The following RGS3 variants were observed in gnomAD, a reference collection of about 807,000 sequenced individuals.
The protein encoded by RGS3 is regulator of G-protein signalling 3.
Under a neutral mutation model 132.6 loss-of-function variants are expected in RGS3, and 80 were observed. The observed-to-expected ratio is 0.60, with a 90% CI of 0.50 to 0.73. RGS3 has a LOEUF of 0.73. Among genes scored for constraint, RGS3 ranks in the 30% least tolerant of loss-of-function variants. The pLI is 0.00. For missense variants in RGS3, 1,382 were observed against 1,530.8 expected (o/e 0.90, Z 1.62); for synonymous variants, 598 against 620.6 (o/e 0.96, Z 0.54).
chr9:113,497,762 C>T (rs1021729253), intron 9 of RGS3, among the ~76,000 whole-genome samples: 5 of 152,222 alleles, frequency 3.3e-5, no homozygotes, highest in African/African-American at 1.2e-4. Context: ...CCTCTACAGA[C>T]AGGGCGTTTA....
chr9:113,584,699 C>T (rs1371125789), intron 20 of RGS3, among the ~76,000 whole-genome samples: 2 of 152,182 alleles, frequency 1.3e-5, no homozygotes, highest in African/African-American at 4.8e-5. Context: ...TGTAGCTTAG[C>T]CCAGGCCATT....
intron 19 of RGS3, among the ~76,000 whole-genome samples, chr9:113,558,599 C>T (rs1390697622): frequency 6.6e-6 from 1 of 152,014 alleles, no homozygotes; most frequent in African/African-American, 2.4e-5. Flanking sequence ...GGATCGAGTC[C>T]CACTGTATGT....
At chr9:113,468,708 A>C in intron 3 of RGS3, among the ~76,000 whole-genome samples, 1 of 152,172 alleles carries the variant, frequency 6.6e-6, no homozygotes, top group East Asian at 1.9e-4. Context: ...TCTGAACCAA[A>C]TTTTAACTTG....
intron 7 of RGS3, 94 bp from the exon 6 acceptor site, chr9:113,495,692 A>G: frequency 1.0e-6 from 1 of 971,408 alleles, no homozygotes; most frequent in Non-Finnish European, 1.7e-6. Context: ...TGTAAACCAC[A>G]GTGCATCAGG....
chr9:113,488,242 C>G (rs1830398196), intron 7 of RGS3, among the ~76,000 whole-genome samples: 1 of 152,142 alleles, frequency 6.6e-6, no homozygotes, highest in Non-Finnish European at 1.5e-5. Flanking sequence ...CCACCTAAGA[C>G]AGAGTTACTG....
At chr9:113,449,997 G>A (rs1196435552) in intron 1 of RGS3, among the ~76,000 whole-genome samples, 1 of 151,588 alleles carries the variant, frequency 6.6e-6, no homozygotes, top group Non-Finnish European at 1.5e-5. Context: ...TGCCCACCTC[G>A]GCCTCCCAAA....
intron 19 of RGS3, among the ~76,000 whole-genome samples, chr9:113,575,048 AGAG>A (rs1437514179): frequency 6.6e-6 from 1 of 152,126 alleles, no homozygotes; most frequent in Non-Finnish European, 1.5e-5. Flanking sequence ...AATGGAGGCG[AGAG>A]GAGAAGGGAC....
intron 19 of RGS3, among the ~76,000 whole-genome samples, chr9:113,540,303 A>G (rs1218780661): frequency 6.6e-6 from 1 of 152,000 alleles, no homozygotes; most frequent in Non-Finnish European, 1.5e-5. Flanking sequence ...AGACAATTAT[A>G]TATTCTTTTG....
chr9:113,513,596 T>A (rs1417143726), intron 14 of RGS3, among the ~76,000 whole-genome samples: 1 of 152,202 alleles, frequency 6.6e-6, no homozygotes, highest in Non-Finnish European at 1.5e-5. Context: ...CTTAGAGTAT[T>A]TCATTTAATC....
intron 14 of RGS3, among the ~76,000 whole-genome samples, chr9:113,511,193 G>C (rs1831383885): frequency 6.6e-6 from 1 of 152,254 alleles, no homozygotes; most frequent in Non-Finnish European, 1.5e-5. Flanking sequence ...CCTGGCCTCA[G>C]ATTCGCCACT....
intron 1 of RGS3, among the ~76,000 whole-genome samples, chr9:113,450,215 C>T (rs1021042864): frequency 2.0e-5 from 3 of 152,094 alleles, no homozygotes; most frequent in Non-Finnish European, 2.9e-5. Context: ...ACTACAGGCA[C>T]ATGCCACCAT....
At position 113,565,866 on chromosome 9, in the gene RGS3, G is replaced by T; in HGVS notation, c.2038-17584G>T. 1 of 180,200 alleles carries T rather than the reference G, an allele frequency of 5.5e-6. No individual in the cohort carries two copies. Among genetic ancestry groups the T allele is most frequent in the Non-Finnish European group, 1.1e-5 (1 of 87,024 alleles). The allele number at this position is 180,200 out of a possible 1,614,324, so 11.2% of individuals were successfully genotyped here. A position where few individuals can be genotyped will look rare whatever the true frequency, so the allele number is the denominator to read the frequency against. On this transcript the variant is annotated intron_variant, in intron 19 of 24. Coordinates refer to ENST00000350696, the Ensembl canonical transcript of RGS3. This position sits in a 1 kb window ranked among gnomAD's most constrained non-coding sequence, Gnocchi z 5.7. ...AACCAAACCATTTGTGCTCTGTTCT[G>T]AGATAGCTCTGTGTGTGTGTGTGTG...
chr9:113,575,309 C>T (rs542640277), intron 19 of RGS3, among the ~76,000 whole-genome samples: 220 of 152,266 alleles, frequency 1.4e-3, no homozygotes, highest in South Asian at 2.5e-3. Flanking sequence ...AGAGTCCCTG[C>T]GCGGGGGTGA....
rs573227165 is a variant in RGS3 at position 113,544,588 on chromosome 9, G to GT, written c.2037+7671dup. Among the ~76,000 whole-genome samples, 26 of 152,312 alleles carry GT rather than the reference G, an allele frequency of 1.7e-4. No homozygotes were observed. In the South Asian group the frequency reaches 5.4e-3, roughly 32 times the overall value. On this transcript the variant is annotated intron_variant, in intron 19 of 24. Coordinates refer to ENST00000350696, the Ensembl canonical transcript of RGS3. ...GTGAAAATGCAGGCAATTTTGCAAC[G>GT]TGGAAGGGCTCCCCACAGCGAAAGT...
intron 19 of RGS3, among the ~76,000 whole-genome samples, chr9:113,560,801 A>C (rs952363047): frequency 2.0e-5 from 3 of 152,296 alleles, no homozygotes; most frequent in African/African-American, 7.2e-5. Context: ...ACACTTCCAT[A>C]GAGTTTCAAA....
chr9:113,597,242 C>T (rs570337597), exon 25 of RGS3: 12 of 331,378 alleles, frequency 3.6e-5, no homozygotes, highest in Non-Finnish European at 6.1e-5. Context: ...CTCCCTGCTG[C>T]GGAGACCGCG....
intron 19 of RGS3, among the ~76,000 whole-genome samples, chr9:113,556,186 G>C (rs1477824580): frequency 2.0e-5 from 3 of 152,120 alleles, no homozygotes; most frequent in African/African-American, 7.2e-5. Context: ...AAACAACCAG[G>C]ATTCCTCTTT....
At chr9:113,504,142 G>C (rs114733567) in intron 10 of RGS3, among the ~76,000 whole-genome samples, 2,297 of 152,244 alleles carry the variant, frequency 0.015, 63 homozygotes, top group African/African-American at 0.053. Context: ...CCTTATGCCT[G>C]GCCCTGGGAT....
At chr9:113,553,462 ATATATATATAT>A in intron 19 of RGS3, among the ~76,000 whole-genome samples, 1 of 72,672 alleles carries the variant, frequency 1.4e-5, no homozygotes, top group African/African-American at 6.3e-5. Context: ...AAAAAAAAAT[ATATATATATAT>A]ATATATATAT....
Sources: gnomAD v4.1 joint callset for allele counts (sites outside exome capture counted in the v4.1 genomes callset) on GRCh38, gnomAD v4.1.1 for gene constraint, Gnocchi (gnomAD v3.1) non-coding constraint, MANE v1.5 for transcripts, NCBI Gene and HGNC (gene_info 2026-07-23, HGNC 2026-07-21) for gene names.